The following CELF2 variants were observed in gnomAD, a reference collection of about 807,000 sequenced individuals.
CELF2 encodes CUG triplet repeat RNA-binding protein 2.
CELF2 carries 8 observed loss-of-function variants against 62.6 expected under a neutral mutation model. That is an observed-to-expected ratio of 0.13 (90% CI 0.07 to 0.23). The LOEUF (loss-of-function observed/expected upper bound fraction) is 0.23, where lower values mean the gene tolerates loss of function less well. Among genes scored for constraint, CELF2 ranks in the 10% least tolerant of loss-of-function variants. CELF2 has a pLI of 1.00. For missense variants in CELF2, 333 were observed against 671.0 expected, an observed-to-expected ratio of 0.50 and a Z score of 5.56; for synonymous variants, 258 against 250.0, an observed-to-expected ratio of 1.03 and a Z score of -0.30.
intron 1 of CELF2, among the ~76,000 whole-genome samples, chr10:11,127,602 G>A (rs1455346170): frequency 6.6e-6 from 1 of 152,128 alleles, no homozygotes; most frequent in African/African-American, 2.4e-5. Context: ...GGTGTGAGAT[G>A]GTATCTCATT....
rs1047871441 is a variant in CELF2 at position 11,247,419 on chromosome 10, A to G, written c.355-1734A>G. 6.6e-6 allele frequency among the ~76,000 whole-genome samples: 1 copy of G among 152,266 alleles called. No homozygotes were observed. Among genetic ancestry groups the G allele is most frequent in the South Asian group, 2.1e-4 (1 of 4,822 alleles). On this transcript the variant is annotated intron_variant, in intron 3 of 12. Coordinates refer to ENST00000633077, the MANE Select transcript of CELF2 (RefSeq NM_001326342.2). This position sits in a 1 kb window ranked among gnomAD's most constrained non-coding sequence, Gnocchi z 5.4. ...CCCCCCTTCAGTGCTCGCACGTCCA[A>G]GGACTCGGCCCAGATGCAGCCTTGG...
chr10:10,992,964 G>A (rs1231059355), intron 2 of CELF2, among the ~76,000 whole-genome samples: 2 of 152,124 alleles, frequency 1.3e-5, no homozygotes, highest in African/African-American at 2.4e-5. Context: ...ACTACTTGAG[G>A]ATGTGCTGAA....
intron 2 of CELF2, among the ~76,000 whole-genome samples, chr10:11,203,400 T>C (rs1035470413): frequency 2.0e-5 from 3 of 152,250 alleles, no homozygotes; most frequent in Non-Finnish European, 2.9e-5. Context: ...ACAAGGACCA[T>C]GTGTTACATT....
the CELF2 span, among the ~76,000 whole-genome samples, chr10:10,774,363 T>A: frequency 6.6e-6 from 1 of 152,128 alleles, no homozygotes. Context: ...TGGATCTGGG[T>A]TCCCACCCAA....
chr10:11,251,234 T>G (rs2137417893), intron 4 of CELF2, among the ~76,000 whole-genome samples: 1 of 151,112 alleles, frequency 6.6e-6, no homozygotes, highest in Non-Finnish European at 1.5e-5. Context: ...TTGAAAACAT[T>G]TGACCTGAAA....
rs149405021 is a variant in CELF2, at chr10:11,053,320, C to T, written c.74+35157C>T. On this transcript the variant is annotated intron_variant, in intron 1 of 12. Coordinates refer to ENST00000633077, the MANE Select transcript of CELF2 (RefSeq NM_001326342.2). ...TATCTTCAGTGAAGTAGACAGAATA[C>T]TCTGATCTCTCTCAGTATTTTCTAG... Among the ~76,000 whole-genome samples, 732 of 152,272 alleles carry T rather than the reference C, an allele frequency of 4.8e-3. 10 individuals carry two copies. Among genetic ancestry groups the T allele is most frequent in the African/African-American group, 0.017 (695 of 41,544 alleles).
chr10:11,164,446 T>C (rs2066475027), intron 1 of CELF2, among the ~76,000 whole-genome samples: 2 of 152,206 alleles, frequency 1.3e-5, no homozygotes, highest in African/African-American at 2.4e-5. Context: ...GGAGGACTGA[T>C]ATGCAAAAGC....
intron 2 of CELF2, among the ~76,000 whole-genome samples, chr10:11,189,410 C>A (rs1482611346): frequency 2.0e-5 from 3 of 152,194 alleles, no homozygotes; most frequent in Non-Finnish European, 4.4e-5. Context: ...CAAGCTCTAC[C>A]TTTTAATTGG....
the CELF2 span, among the ~76,000 whole-genome samples, chr10:10,754,061 G>GTTTTTTTTTT: frequency 4.7e-5 from 4 of 85,032 alleles, no homozygotes; most frequent in Non-Finnish European, 6.6e-5. Flanking sequence ...TGCTGAGGTG[G>GTTTTTTTTTT]TTTTTTTTTT....
At chr10:11,282,939 C>A (rs894250243) in intron 8 of CELF2, among the ~76,000 whole-genome samples, 2 of 152,208 alleles carry the variant, frequency 1.3e-5, no homozygotes, top group East Asian at 3.8e-4. Context: ...CACTTAACTT[C>A]TTTTCTCTTT....
intron 1 of CELF2, among the ~76,000 whole-genome samples, chr10:10,902,758 A>T (rs1020135986): frequency 6.6e-6 from 1 of 151,822 alleles, no homozygotes. Flanking sequence ...ACACCTTAGT[A>T]AAGCTCAGGA....
At chr10:10,556,991 C>T in the CELF2 span, among the ~76,000 whole-genome samples, 1 of 146,900 alleles carries the variant, frequency 6.8e-6, no homozygotes, top group Admixed American at 6.8e-5. Flanking sequence ...GTTGCCTGTT[C>T]ACTCTGATGG....
At chr10:11,186,019 A>G (rs755701019) in intron 2 of CELF2, among the ~76,000 whole-genome samples, 1 of 152,228 alleles carries the variant, frequency 6.6e-6, no homozygotes, top group Non-Finnish European at 1.5e-5. Context: ...TTTAGTACCT[A>G]TAGGAATAAT....
the CELF2 span, among the ~76,000 whole-genome samples, chr10:10,745,762 T>C: frequency 6.6e-6 from 1 of 152,238 alleles, no homozygotes; most frequent in African/African-American, 2.4e-5. Flanking sequence ...CAAGCCTCCC[T>C]ACCTTTAAAC....
intron 1 of CELF2, among the ~76,000 whole-genome samples, chr10:10,852,029 A>G (rs2059411939): frequency 6.6e-6 from 1 of 152,214 alleles, no homozygotes; most frequent in South Asian, 2.1e-4. Context: ...TTGCTTTAGA[A>G]AACAGTTTTG....
chr10:10,616,717 TGTGAGA>T, the CELF2 span, among the ~76,000 whole-genome samples: 319 of 138,722 alleles, frequency 2.3e-3, 2 homozygotes, highest in African/African-American at 4.5e-3. Flanking sequence ...TGTGTGTGTG[TGTGAGA>T]GAGAGAGAGA....
chr10:10,894,022 A>G (rs1407578807), intron 1 of CELF2, among the ~76,000 whole-genome samples: 1 of 152,152 alleles, frequency 6.6e-6, no homozygotes, highest in East Asian at 1.9e-4. Flanking sequence ...GAGCAGAATG[A>G]CTATGTTAAC....
rs112284929 is a variant in CELF2 at position 11,123,985 on chromosome 10, A to G, written c.75-41501A>G. ...TCCACATGGCTGGGGAGGCCTCACAATCAAGGCTGAAAGTGAATGAGGAGC... is the reference window on the plus strand; with the variant it reads ...TCCACATGGCTGGGGAGGCCTCACAGTCAAGGCTGAAAGTGAATGAGGAGC... On this transcript the variant is annotated intron_variant, in intron 1 of 12. Coordinates refer to ENST00000633077, the MANE Select transcript of CELF2 (RefSeq NM_001326342.2). Among the ~76,000 whole-genome samples, 1,196 of 152,292 alleles carry G rather than the reference A, an allele frequency of 7.9e-3. 10 individuals are homozygous for G. Among genetic ancestry groups the G allele is most frequent in the Non-Finnish European group, 0.014 (964 of 68,020 alleles).
chr10:11,164,660 CTGCT>C (rs2066534140), intron 1 of CELF2, among the ~76,000 whole-genome samples: 1 of 144,192 alleles, frequency 6.9e-6, no homozygotes, highest in African/African-American at 2.6e-5. Context: ...CTTTCTGGGG[CTGCT>C]TTTTTTTTTT....
Sources: allele counts gnomAD v4.1 joint callset (sites outside exome capture counted in the v4.1 genomes callset), GRCh38; gene constraint gnomAD v4.1.1; non-coding constraint Gnocchi (gnomAD v3.1); transcripts MANE v1.5; gene names NCBI Gene and HGNC (gene_info 2026-07-23, HGNC 2026-07-21).